The following TMEM178B variants were observed in gnomAD, a reference collection of about 807,000 sequenced individuals.
The protein encoded by TMEM178B is transmembrane protein 178B.
TMEM178B carries 5 observed loss-of-function variants against 31.0 expected under a neutral mutation model. That is an observed-to-expected ratio of 0.16 (90% confidence interval 0.08 to 0.34). TMEM178B has a LOEUF of 0.34. Among genes scored for constraint, TMEM178B ranks in the 10% least tolerant of loss-of-function variants. TMEM178B has a pLI of 1.00. For missense variants in TMEM178B, 275 were observed against 400.3 expected, an observed-to-expected ratio of 0.69 and a Z score of 2.67; for synonymous variants, 164 against 164.0, an observed-to-expected ratio of 1.00 and a Z score of 0.00.
intron 2 of TMEM178B, among the ~76,000 whole-genome samples, chr7:141,425,918 T>C (rs528701942): frequency 5.9e-5 from 9 of 151,648 alleles, no homozygotes; most frequent in Non-Finnish European, 1.0e-4. Flanking sequence ...CTTCCCCCCC[T>C]ATCTCTTCCT....
intron 1 of TMEM178B, among the ~76,000 whole-genome samples, chr7:141,210,923 G>C (rs1213161545): frequency 1.3e-5 from 2 of 152,170 alleles, no homozygotes; most frequent in African/African-American, 4.8e-5. Flanking sequence ...TGGATGTCAG[G>C]AAGGCAGGGC....
At chr7:141,241,477 C>G (rs1367892757) in intron 2 of TMEM178B, among the ~76,000 whole-genome samples, 2 of 150,880 alleles carry the variant, frequency 1.3e-5, no homozygotes, top group African/African-American at 4.9e-5. Context: ...ATAATCCCAG[C>G]TACTCGGGAG....
At chr7:141,337,211 A>G (rs1463648467) in intron 2 of TMEM178B, among the ~76,000 whole-genome samples, 10 of 106,920 alleles carry the variant, frequency 9.4e-5, no homozygotes, top group Non-Finnish European at 1.3e-4. Flanking sequence ...CACCACCACC[A>G]TCACCACCAC....
intron 1 of TMEM178B, among the ~76,000 whole-genome samples, chr7:141,083,606 C>T (rs754793056): frequency 6.6e-6 from 1 of 152,118 alleles, no homozygotes; most frequent in Non-Finnish European, 1.5e-5. Context: ...TTTCTTACCA[C>T]TCTAAAAACA....
At chr7:141,325,594 C>A (rs1456648120) in intron 2 of TMEM178B, among the ~76,000 whole-genome samples, 1 of 152,188 alleles carries the variant, frequency 6.6e-6, no homozygotes, top group Non-Finnish European at 1.5e-5. Context: ...CTCAAGCCTA[C>A]TGCACTGACA....
chr7:141,362,453 C>T (rs978048069), intron 2 of TMEM178B, among the ~76,000 whole-genome samples: 3 of 152,090 alleles, frequency 2.0e-5, no homozygotes, highest in Non-Finnish European at 4.4e-5. Context: ...CCTATAAAAC[C>T]GCTGCTTTCC....
chr7:141,286,615 G>A (rs994735962), intron 2 of TMEM178B, among the ~76,000 whole-genome samples: 1 of 152,066 alleles, frequency 6.6e-6, no homozygotes, highest in Non-Finnish European at 1.5e-5. Context: ...GTCCAACCTC[G>A]GGGAGAATCA....
At chr7:141,191,162 AT>A (rs1460377238) in intron 1 of TMEM178B, among the ~76,000 whole-genome samples, 1 of 152,176 alleles carries the variant, frequency 6.6e-6, no homozygotes, top group Non-Finnish European at 1.5e-5. Context: ...CATTTAGTTT[AT>A]CTGGTAAGGC....
intron 3 of TMEM178B, among the ~76,000 whole-genome samples, chr7:141,445,298 C>T (rs1801732783): frequency 6.6e-6 from 1 of 152,142 alleles, no homozygotes; most frequent in Non-Finnish European, 1.5e-5. Flanking sequence ...TTCATGGAGG[C>T]CTGGGCATTC....
chr7:141,291,362 C>T (rs539325426), intron 2 of TMEM178B, among the ~76,000 whole-genome samples: 4 of 152,188 alleles, frequency 2.6e-5, no homozygotes, highest in South Asian at 4.1e-4. Context: ...AATTAACAGA[C>T]GGTGCCTATC....
At chr7:141,075,807 G>C (rs1794591885) in intron 1 of TMEM178B, among the ~76,000 whole-genome samples, 1 of 152,192 alleles carries the variant, frequency 6.6e-6, no homozygotes, top group Non-Finnish European at 1.5e-5. Context: ...GCAGTTCTTA[G>C]TGTCTCATTA....
At chr7:141,255,470 C>T (rs1200631259) in intron 2 of TMEM178B, among the ~76,000 whole-genome samples, 3 of 152,174 alleles carry the variant, frequency 2.0e-5, no homozygotes, top group Non-Finnish European at 4.4e-5. Context: ...AACAATGGAA[C>T]ACAACATTGG....
intron 2 of TMEM178B, among the ~76,000 whole-genome samples, chr7:141,212,936 C>T (rs766525196): frequency 1.6e-4 from 24 of 152,306 alleles, no homozygotes; most frequent in Non-Finnish European, 2.5e-4. Flanking sequence ...GTCAAAACTT[C>T]GGAAACAACT....
intron 2 of TMEM178B, among the ~76,000 whole-genome samples, chr7:141,336,906 TCATCACCAC>T (rs1799404548): frequency 1.8e-4 from 7 of 39,594 alleles, no homozygotes; most frequent in Admixed American, 4.9e-4. Context: ...ACCACCACCA[TCATCACCAC>T]CACCACCACC....
intron 1 of TMEM178B, among the ~76,000 whole-genome samples, chr7:141,210,417 C>T (rs937935097): frequency 1.3e-4 from 20 of 152,060 alleles, no homozygotes; most frequent in Admixed American, 4.6e-4. Context: ...GAGCCGAGAT[C>T]GCGCCATTGC....
intron 2 of TMEM178B, among the ~76,000 whole-genome samples, chr7:141,328,801 C>T (rs10488013): frequency 0.056 from 8,486 of 152,250 alleles, 345 homozygotes; most frequent in Non-Finnish European, 0.085. Context: ...GAATCTTAGG[C>T]TTGTTGACTT....
Position 141,346,113 on chromosome 7 carries a change from C to T in TMEM178B, c.497-91495C>T, listed in dbSNP as rs909674963. On this transcript the variant is annotated intron_variant, in intron 2 of 3. Transcript: ENST00000565468. Reference sequence around the variant, plus strand: ...GCGGGTGCCTGTAGTCCCAGCTACTCGGGAGGCTGAGGCAGGAGAATAGCG... The same window carrying T: ...GCGGGTGCCTGTAGTCCCAGCTACTTGGGAGGCTGAGGCAGGAGAATAGCG... Among the ~76,000 whole-genome samples the T allele has an allele frequency of 6.6e-5, 10 of 151,318 alleles. No individual in the cohort carries two copies. In the East Asian group the frequency reaches 8.0e-4, roughly 12 times the overall value.
At chr7:141,134,205 A>G (rs1365594918) in intron 1 of TMEM178B, among the ~76,000 whole-genome samples, 7 of 152,198 alleles carry the variant, frequency 4.6e-5, no homozygotes, top group African/African-American at 1.7e-4. Flanking sequence ...ACTGCACTTC[A>G]GCCTAGGCAA....
the TMEM178B span, among the ~76,000 whole-genome samples, chr7:141,491,638 CA>C: frequency 1.3e-5 from 2 of 152,182 alleles, no homozygotes; most frequent in African/African-American, 4.8e-5. Flanking sequence ...TTGTCTCTCT[CA>C]ATCTCTATAC....
Sources: gnomAD v4.1 joint callset for allele counts (sites outside exome capture counted in the v4.1 genomes callset) on GRCh38, gnomAD v4.1.1 for gene constraint, MANE v1.5 for transcripts, NCBI Gene and HGNC (gene_info 2026-07-23, HGNC 2026-07-21) for gene names.